AVEN: variants seen among roughly 807,000 people sequenced by gnomAD.
AVEN encodes cell death regulator Aven.
Under a neutral mutation model 38.1 loss-of-function variants are expected in AVEN, and 41 were observed. The ratio of observed to expected loss-of-function variants is 1.08; its 90% CI spans 0.84 to 1.40. The LOEUF is 1.40. Among genes scored for constraint, AVEN ranks in the 40% most tolerant of loss-of-function variants. The pLI is 0.00. For missense variants in AVEN, 605 were observed against 438.8 expected (o/e 1.38, Z -3.38); for synonymous variants, 206 against 171.8 (o/e 1.20, Z -1.56).
chr15:33,935,711 A>T (rs1487220084), intron 2 of AVEN, among the ~76,000 whole-genome samples: 1 of 152,182 alleles, frequency 6.6e-6, no homozygotes, highest in African/African-American at 2.4e-5. Context: ...AACCTAGCGG[A>T]AAGTAGAGAT....
chr15:34,059,116 C>T (rs1378624775), intron 5 of AVEN, among the ~76,000 whole-genome samples: 1 of 151,422 alleles, frequency 6.6e-6, no homozygotes, highest in African/African-American at 2.4e-5. Flanking sequence ...AGGCTGGTCT[C>T]GAATTCCTGA....
intron 2 of AVEN, among the ~76,000 whole-genome samples, chr15:33,882,993 T>C (rs989173996): frequency 6.6e-6 from 1 of 152,234 alleles, no homozygotes; most frequent in African/African-American, 2.4e-5. Flanking sequence ...TCAAGCAGTA[T>C]ACAATGCTTC....
In AVEN at chr15:33,866,548, A is replaced by G; in HGVS notation, c.*65T>C. 2 of 1,229,218 alleles carry G rather than the reference A, an allele frequency of 1.6e-6. No homozygotes were observed. Among genetic ancestry groups the G allele is most frequent in the East Asian group, 2.3e-5 (1 of 43,030 alleles). 76.1% of individuals were successfully genotyped at this position (1,229,218 alleles called of 1,614,324 possible). A position where few individuals can be genotyped will look rare whatever the true frequency, so the allele number is the denominator to read the frequency against. On this transcript the variant is annotated 3_prime_UTR_variant, in exon 6 of 6. Transcript: ENST00000306730. Reference sequence around the variant, plus strand: ...TGTAAACTGGCTGGTCCTGAAGGACAGCCTTATGCCCACCTGCCGTTAGAA... The same window carrying G: ...TGTAAACTGGCTGGTCCTGAAGGACGGCCTTATGCCCACCTGCCGTTAGAA...
chr15:34,062,572 A>AAAAAAAC, intron 5 of AVEN: 1 of 657,354 alleles, frequency 1.5e-6, no homozygotes, highest in Non-Finnish European at 2.4e-6. Flanking sequence ...AAAAAAAAAA[A>AAAAAAAC]AACTATAAAC....
chr15:33,974,945 C>A (rs1211343626), intron 2 of AVEN, among the ~76,000 whole-genome samples: 1 of 152,156 alleles, frequency 6.6e-6, no homozygotes, highest in Non-Finnish European at 1.5e-5. Flanking sequence ...ACGCTCCAGC[C>A]TGAGCAACAA....
At chr15:33,976,796 G>A (rs542059209) in intron 2 of AVEN, among the ~76,000 whole-genome samples, 73 of 152,124 alleles carry the variant, frequency 4.8e-4, no homozygotes, top group African/African-American at 1.7e-3. Context: ...TACCTTTCCT[G>A]TCTCAGATCC....
downstream of AVEN, among the ~76,000 whole-genome samples, chr15:33,863,714 A>ATGAC (rs1491197812): frequency 8.5e-5 from 13 of 152,176 alleles, no homozygotes; most frequent in Non-Finnish European, 7.4e-5. Flanking sequence ...TAACTTTTCC[A>ATGAC]TGACAGATAT....
chr15:33,889,667 G>T (rs1018666398), intron 2 of AVEN, among the ~76,000 whole-genome samples: 1 of 152,126 alleles, frequency 6.6e-6, no homozygotes, highest in African/African-American at 2.4e-5. Context: ...TTGAAAAACA[G>T]TATTCTACAG....
intron 2 of AVEN, among the ~76,000 whole-genome samples, chr15:33,960,237 T>A (rs548332027): frequency 9.8e-5 from 15 of 152,288 alleles, no homozygotes; most frequent in Admixed American, 3.3e-4. Flanking sequence ...AAAATCAAAT[T>A]AATAAATAGA....
chr15:33,860,491 A>AAAAAAAAAAG (rs1374418405), intron 11 of AVEN: 1 of 645,572 alleles, frequency 1.5e-6, no homozygotes, highest in African/African-American at 1.8e-5. Context: ...TGCTTTGATA[A>AAAAAAAAAAG]TTCACTTTTT....
intron 2 of AVEN, among the ~76,000 whole-genome samples, chr15:33,911,622 T>G (rs886340636): frequency 6.6e-6 from 1 of 152,216 alleles, no homozygotes; most frequent in African/African-American, 2.4e-5. Flanking sequence ...AAATAAGAAT[T>G]TCTGAGCCAC....
intron 2 of AVEN, among the ~76,000 whole-genome samples, chr15:33,979,175 C>T (rs1043802331): frequency 6.6e-6 from 1 of 152,054 alleles, no homozygotes; most frequent in Non-Finnish European, 1.5e-5. Flanking sequence ...CTCGTAAACC[C>T]CTCTTCAAAA....
At chr15:33,989,516 G>A (rs1229661965) in intron 2 of AVEN, among the ~76,000 whole-genome samples, 1 of 150,980 alleles carries the variant, frequency 6.6e-6, no homozygotes, top group Admixed American at 6.6e-5. Context: ...CCCACCAAGT[G>A]TTCCTTCTAT....
chr15:33,864,246 C>T (rs946709572), downstream of AVEN: 2 of 1,327,532 alleles, frequency 1.5e-6, no homozygotes, highest in East Asian at 2.4e-5. Flanking sequence ...AATCTTGAGA[C>T]TTAGTAGGGC....
chr15:34,004,633 G>T (rs750530293), intron 1 of AVEN, among the ~76,000 whole-genome samples: 17 of 152,070 alleles, frequency 1.1e-4, no homozygotes, highest in Non-Finnish European at 1.8e-4. Context: ...TATAAACACT[G>T]AACTCTTTAT....
intron 1 of AVEN, among the ~76,000 whole-genome samples, chr15:34,005,010 C>T (rs1396381549): frequency 6.6e-6 from 1 of 151,996 alleles, no homozygotes; most frequent in Non-Finnish European, 1.5e-5. Context: ...AGAAGCAGGA[C>T]ATATGCACTG....
chr15:33,994,377 G>A (rs997640503), intron 2 of AVEN, among the ~76,000 whole-genome samples: 1 of 152,188 alleles, frequency 6.6e-6, no homozygotes, highest in Non-Finnish European at 1.5e-5. Flanking sequence ...AAGAAAACAA[G>A]CTTAGGACTC....
chr15:34,017,881 T>C (rs1452631837), intron 1 of AVEN, among the ~76,000 whole-genome samples: 4 of 152,160 alleles, frequency 2.6e-5, no homozygotes, highest in Admixed American at 2.6e-4. Flanking sequence ...TTTACAACAG[T>C]GGTCCCATAA....
intron 2 of AVEN, among the ~76,000 whole-genome samples, chr15:33,909,022 C>CT (rs1003330928): frequency 6.6e-6 from 1 of 152,178 alleles, no homozygotes; most frequent in Non-Finnish European, 1.5e-5. Flanking sequence ...TTAATACCCC[C>CT]TGTAGTGGTT....
Sources: allele counts gnomAD v4.1 joint callset (sites outside exome capture counted in the v4.1 genomes callset), GRCh38; gene constraint gnomAD v4.1.1; transcripts MANE v1.5; gene names NCBI Gene and HGNC (gene_info 2026-07-23, HGNC 2026-07-21).